NDEL1: variants seen among roughly 807,000 people sequenced by gnomAD.
The protein encoded by NDEL1 is nudE neurodevelopment protein 1 like 1.
In NDEL1, 9 loss-of-function variants were observed where a neutral mutation model predicts 45.7. That is an observed-to-expected ratio of 0.20 (90% CI 0.12 to 0.34). The LOEUF (loss-of-function observed/expected upper bound fraction) is 0.34. Among genes scored for constraint, NDEL1 ranks in the 10% least tolerant of loss-of-function variants. The probability of loss-of-function intolerance (pLI) is 1.00; values close to 1 mark genes in which losing one functional copy is unlikely to be tolerated. For missense variants in NDEL1, 306 were observed against 406.2 expected (o/e 0.75, Z 2.12); for synonymous variants, 133 against 158.6 (o/e 0.84, Z 1.21).
chr17:8,438,741 T>C (rs1909519829), intron 1 of NDEL1, among the ~76,000 whole-genome samples: 1 of 151,774 alleles, frequency 6.6e-6, no homozygotes, highest in Non-Finnish European at 1.5e-5. Context: ...GCCTTGAAGT[T>C]CCAGGCTCAA....
At chr17:8,457,784 A>G (rs1910934675) in intron 7 of NDEL1, among the ~76,000 whole-genome samples, 1 of 151,384 alleles carries the variant, frequency 6.6e-6, no homozygotes, top group Non-Finnish European at 1.5e-5. Flanking sequence ...TGTGCTTTGG[A>G]TCTCATTTCT....
In NDEL1 at chr17:8,435,968, C is replaced by G. The variant is rs1406520828; in HGVS notation, c.-90C>G. 1 of 446,514 alleles carries G rather than the reference C, an allele frequency of 2.2e-6. No homozygotes were observed. Among genetic ancestry groups the G allele is most frequent in the Admixed American group, 2.4e-5 (1 of 41,644 alleles). The allele number at this position is 446,514 out of a possible 1,614,324, so 27.7% of individuals were successfully genotyped here. On this transcript the variant is annotated 5_prime_UTR_variant, in exon 1 of 9. Transcript: ENST00000334527. ...TGCGTAGGGGAGCTGAGCCGAGCGGCTGGGCGGGCCTGGCCGGGCCGGCGG... is the reference window on the plus strand; with the variant it reads ...TGCGTAGGGGAGCTGAGCCGAGCGGGTGGGCGGGCCTGGCCGGGCCGGCGG...
At chr17:8,416,575 T>G (rs899778321) in intron 1 of NDEL1, among the ~76,000 whole-genome samples, 3 of 152,210 alleles carry the variant, frequency 2.0e-5, no homozygotes, top group African/African-American at 7.2e-5. Context: ...TGTCCTGGTT[T>G]TATGTCTGTG....
chr17:8,420,517 T>A (rs1908681928), intron 1 of NDEL1, among the ~76,000 whole-genome samples: 1 of 152,262 alleles, frequency 6.6e-6, no homozygotes, highest in Admixed American at 6.5e-5. Context: ...CTGGGACAGA[T>A]GCCAAAGGGC....
At chr17:8,414,981 C>A (rs1371463945) in intron 1 of NDEL1, among the ~76,000 whole-genome samples, 2 of 152,216 alleles carry the variant, frequency 1.3e-5, no homozygotes. Context: ...CCTGGTGCCT[C>A]ATCCTACTGC....
In NDEL1 at chr17:8,465,960, C is replaced by T. The variant is rs185755460; in HGVS notation, c.945-970C>T. On this transcript the variant is annotated intron_variant, in intron 8 of 8. Coordinates refer to ENST00000334527, the MANE Select transcript of NDEL1 (RefSeq NM_030808.5). This position sits in a 1 kb window ranked among gnomAD's most constrained non-coding sequence, Gnocchi z 4.9. ...CTGGGCTCTGGGTGCGTGATGGGGA[C>T]GCTGGGGGGCTCCCTGTGTCGCTGG... 1.7e-3 allele frequency: 267 copies of T among 152,676 alleles called. No homozygotes were observed. The highest frequency in any genetic ancestry group is 6.1e-3 in the African/African-American group (253 of 41,184). 9.5% of individuals were successfully genotyped at this position (152,676 alleles called of 1,614,324 possible).
At chr17:8,471,675 T>C (rs1175073503), downstream of NDEL1, among the ~76,000 whole-genome samples, 7 of 152,224 alleles carry the variant, frequency 4.6e-5, no homozygotes, top group African/African-American at 1.7e-4. Flanking sequence ...TCTGTAGCTA[T>C]AGTGAATGCC....
At chr17:8,446,545 G>A (rs1253820194) in intron 3 of NDEL1, among the ~76,000 whole-genome samples, 2 of 152,174 alleles carry the variant, frequency 1.3e-5, no homozygotes, top group East Asian at 1.9e-4. Flanking sequence ...TTGTTATTGG[G>A]TTTCTTTCTG....
At chr17:8,439,187 G>A (rs1325401954) in intron 1 of NDEL1, among the ~76,000 whole-genome samples, 1 of 150,956 alleles carries the variant, frequency 6.6e-6, no homozygotes, top group Non-Finnish European at 1.5e-5. Context: ...TGATCCGCCC[G>A]CCTCGGCCTC....
rs370990529 is a variant in NDEL1 at position 8,446,610 on chromosome 17, G to A, written c.241-144G>A. Reference sequence around the variant, plus strand: ...GAGTTTAGGCACTTAGAATGAATGTGTCATTTAGTTGTTTTTAAAGTAATT... The same window carrying A: ...GAGTTTAGGCACTTAGAATGAATGTATCATTTAGTTGTTTTTAAAGTAATT... On this transcript the variant is annotated intron_variant, in intron 3 of 8. Transcript: ENST00000334527. 2.5e-3 allele frequency: 1,824 copies of A among 718,170 alleles called. 6 individuals carry two copies. Among genetic ancestry groups the A allele is most frequent in the Middle Eastern group, 8.0e-3 (19 of 2,374 alleles). The allele number at this position is 718,170 out of a possible 1,614,324, so 44.5% of individuals were successfully genotyped here.
At chr17:8,473,239 T>G (rs1385600889) in intron 3 of NDEL1, among the ~76,000 whole-genome samples, 1 of 151,568 alleles carries the variant, frequency 6.6e-6, no homozygotes, top group Non-Finnish European at 1.5e-5. Flanking sequence ...CAGGCTGGAG[T>G]GCAGTGGTGT....
At chr17:8,433,791 C>T (rs1909077017), upstream of NDEL1, among the ~76,000 whole-genome samples, 1 of 152,074 alleles carries the variant, frequency 6.6e-6, no homozygotes, top group Non-Finnish European at 1.5e-5. Context: ...GCTGGGATTA[C>T]AGGTATGGGC....
chr17:8,422,976 G>A (rs1337044372), intron 1 of NDEL1, among the ~76,000 whole-genome samples: 7 of 151,992 alleles, frequency 4.6e-5, no homozygotes, highest in Admixed American at 2.0e-4. Context: ...TGATCCACCC[G>A]CCTCAGCCTC....
intron 8 of NDEL1, chr17:8,463,502 C>T (rs1473400156): frequency 1.5e-6 from 1 of 669,936 alleles, no homozygotes; most frequent in African/African-American, 1.8e-5. Flanking sequence ...TTTCACGGTC[C>T]TGTTCGACTT....
chr17:8,431,211 G>C (rs1038260293), upstream of NDEL1: 1 of 152,272 alleles, frequency 6.6e-6, no homozygotes, highest in Admixed American at 6.5e-5. Flanking sequence ...GGACTGTTTT[G>C]TCTTGGCACC....
downstream of NDEL1, among the ~76,000 whole-genome samples, chr17:8,468,781 G>A (rs1207269863): frequency 6.6e-6 from 1 of 152,174 alleles, no homozygotes; most frequent in African/African-American, 2.4e-5. Context: ...CGAGGTGGGC[G>A]GATCACAAGG....
In NDEL1 at chr17:8,444,283, A is replaced by C; in HGVS notation, c.12A>C (p.Glu4Asp). ...AGGCTTTCTTGATCATGGATGGTGA[A>C]GATATACCAGATTTTTCAAGTTTAA... MDG[E>D]DIPDFSSLKE... The change falls in exon 2 of 9, where the codon GAA becomes GAC. Residue 4 changes from glutamate to aspartate, a missense_variant. Glu to Asp is a conservative substitution (Grantham distance 45). This residue lies in a region of NDEL1 where 112 missense variants were observed against 148.3 expected (regional missense o/e 0.76). Coordinates refer to ENST00000334527, the MANE Select transcript of NDEL1 (RefSeq NM_030808.5). The C allele has an allele frequency of 6.2e-7, 1 of 1,611,116 alleles. No individual in the cohort carries two copies. Among genetic ancestry groups the C allele is most frequent in the Non-Finnish European group, 8.5e-7 (1 of 1,177,488 alleles).
intron 8 of NDEL1, chr17:8,461,518 GCTGGGCTTGCCGC>G (rs1200573586): frequency 3.9e-5 from 6 of 152,358 alleles, no homozygotes; most frequent in African/African-American, 1.4e-4. Context: ...CTCCCAAAGT[GCTGGGCTTGCCGC>G]CGCGCCCAGC....
intron 1 of NDEL1, among the ~76,000 whole-genome samples, chr17:8,421,598 G>A (rs758891881): frequency 9.2e-5 from 14 of 152,138 alleles, no homozygotes. Context: ...TTAAGTATCG[G>A]TTTAGACACT....
Sources: allele counts gnomAD v4.1 joint callset (sites outside exome capture counted in the v4.1 genomes callset), GRCh38; gene constraint gnomAD v4.1.1; regional missense constraint gnomAD v4.1.1; non-coding constraint Gnocchi (gnomAD v3.1); transcripts MANE v1.5; gene names NCBI Gene and HGNC (gene_info 2026-07-23, HGNC 2026-07-21).